The following JAM3 variants were observed in gnomAD, a reference collection of about 807,000 sequenced individuals.
The protein encoded by JAM3 is junctional adhesion molecule 3.
Under a neutral mutation model 39.4 loss-of-function variants are expected in JAM3, and 31 were observed. That is an observed-to-expected ratio of 0.79 (90% CI 0.59 to 1.06). JAM3 has a LOEUF of 1.06. Ranked by LOEUF, JAM3 falls within the 50% of genes least tolerant of loss-of-function variation. The probability of loss-of-function intolerance (pLI) is 0.00; values close to 1 mark genes in which losing one functional copy is unlikely to be tolerated. For synonymous variants in JAM3, 182 were observed against 148.7 expected, an observed-to-expected ratio of 1.22 and a Z score of -1.63; for missense variants, 455 against 391.4, an observed-to-expected ratio of 1.16 and a Z score of -1.37.
intron 1 of JAM3, among the ~76,000 whole-genome samples, chr11:134,077,113 G>A (rs1211336630): frequency 6.6e-6 from 1 of 152,040 alleles, no homozygotes; most frequent in African/African-American, 2.4e-5. Context: ...GGGATTACAT[G>A]CATGAGGCAC....
At chr11:134,096,848 A>G (rs1299259642) in intron 1 of JAM3, among the ~76,000 whole-genome samples, 1 of 151,432 alleles carries the variant, frequency 6.6e-6, no homozygotes. Flanking sequence ...TTAATAAAGG[A>G]CTCCTCAGTT....
At chr11:134,092,953 C>T (rs1359765617) in intron 1 of JAM3, among the ~76,000 whole-genome samples, 1 of 149,666 alleles carries the variant, frequency 6.7e-6, no homozygotes, top group Non-Finnish European at 1.5e-5. Flanking sequence ...TCTTACATGT[C>T]ACTCCCTGAG....
At chr11:134,101,761 A>G (rs1942077779) in intron 1 of JAM3, among the ~76,000 whole-genome samples, 1 of 152,060 alleles carries the variant, frequency 6.6e-6, no homozygotes, top group African/African-American at 2.4e-5. Flanking sequence ...ATGTGCCAGG[A>G]ATTTATAAGT....
At chr11:134,091,657 A>C (rs751733933) in intron 1 of JAM3, among the ~76,000 whole-genome samples, 1 of 151,312 alleles carries the variant, frequency 6.6e-6, no homozygotes, top group Non-Finnish European at 1.5e-5. Context: ...TTGTCATCTG[A>C]GTTACAGCTT....
At chr11:134,080,558 C>T (rs1941648877) in intron 1 of JAM3, among the ~76,000 whole-genome samples, 1 of 152,302 alleles carries the variant, frequency 6.6e-6, no homozygotes, top group African/African-American at 2.4e-5. Context: ...TTTTCCTGCA[C>T]AAGCTCTCTT....
At chr11:134,147,472 A>C (rs1255852577) in intron 6 of JAM3, among the ~76,000 whole-genome samples, 3 of 150,952 alleles carry the variant, frequency 2.0e-5, no homozygotes, top group East Asian at 2.0e-4. Context: ...AAAAAAAAAA[A>C]AAAAAACGAT....
chr11:134,093,178 C>G (rs1158562462), intron 1 of JAM3, among the ~76,000 whole-genome samples: 1 of 128,796 alleles, frequency 7.8e-6, no homozygotes, highest in Non-Finnish European at 1.6e-5. Flanking sequence ...AGGGAAGCTT[C>G]TCCTGAACCC....
At chr11:134,079,247 T>G (rs1270939192) in intron 1 of JAM3, among the ~76,000 whole-genome samples, 2 of 152,184 alleles carry the variant, frequency 1.3e-5, no homozygotes, top group African/African-American at 4.8e-5. Context: ...AAAGCAAACA[T>G]CTATCATTAA....
intron 3 of JAM3, 64 bp from the exon 4 acceptor site, chr11:134,144,177 A>AC (rs1379897053): frequency 6.3e-7 from 1 of 1,575,422 alleles, no homozygotes. Flanking sequence ...CCCAGAAACC[A>AC]CCCTCTTCAA....
chr11:134,127,126 C>T (rs1942663877), intron 1 of JAM3, among the ~76,000 whole-genome samples: 1 of 152,236 alleles, frequency 6.6e-6, no homozygotes, highest in Middle Eastern at 3.4e-3. Context: ...GAATTGTAGG[C>T]ATCAGAATGT....
intron 3 of JAM3, among the ~76,000 whole-genome samples, chr11:134,141,657 CCTT>C (rs1942974420): frequency 6.6e-6 from 1 of 152,008 alleles, no homozygotes; most frequent in African/African-American, 2.4e-5. Context: ...AAGTCAGAGG[CCTT>C]CTGCAGAGTC....
At position 134,144,778 on chromosome 11, in the gene JAM3, C is replaced by CCCT; in HGVS notation, c.410-14_410-13insCCT. ...GTCACTGAGATCTTAAACACCACCC[C>CCCT]TTTTTCCCCACAGTGAAGCCAGTGA... On this transcript the variant is annotated splice_polypyrimidine_tract_variant and intron_variant, in intron 4 of 8. Transcript: ENST00000299106. The CCCT allele has an allele frequency of 6.2e-7, 1 of 1,610,914 alleles. No homozygotes were observed. Among genetic ancestry groups the CCCT allele is most frequent in the South Asian group, 1.1e-5 (1 of 91,016 alleles).
chr11:134,146,564 T>A (rs78726542), intron 6 of JAM3, among the ~76,000 whole-genome samples: 9 of 151,382 alleles, frequency 5.9e-5, no homozygotes, highest in African/African-American at 2.2e-4. Context: ...TTTTTTTTCT[T>A]AAAAAACAAA....
At chr11:134,109,333 TA>T (rs913479720) in intron 1 of JAM3, among the ~76,000 whole-genome samples, 11 of 152,044 alleles carry the variant, frequency 7.2e-5, no homozygotes, top group Admixed American at 5.2e-4. Context: ...AAAAAGAACT[TA>T]AAAAAAATTA....
chr11:134,099,133 C>T (rs1053402461), intron 1 of JAM3, among the ~76,000 whole-genome samples: 35 of 151,996 alleles, frequency 2.3e-4, no homozygotes, highest in African/African-American at 7.7e-4. Flanking sequence ...CCTGGGGTTT[C>T]GAGGCTGCAG....
At chr11:134,139,607 G>T (rs768367003) in intron 1 of JAM3, 3 of 526,894 alleles carry the variant, frequency 5.7e-6, no homozygotes, top group African/African-American at 1.9e-5. Flanking sequence ...CTTTGTTCTG[G>T]GACTAAAAAG....
At chr11:134,104,854 C>T (rs941633881) in intron 1 of JAM3, among the ~76,000 whole-genome samples, 1 of 151,970 alleles carries the variant, frequency 6.6e-6, no homozygotes, top group Non-Finnish European at 1.5e-5. Flanking sequence ...GAAATTGAGG[C>T]AATAATTAAT....
At chr11:134,139,817 A>G in intron 1 of JAM3, 34 bp from the exon 2 acceptor site, 1 of 1,566,454 alleles carries the variant, frequency 6.4e-7, no homozygotes, top group Non-Finnish European at 8.8e-7. Flanking sequence ...TTTGAGATAC[A>G]TTGTCTCTGA....
At chr11:134,080,753 G>A (rs1941652553) in intron 1 of JAM3, among the ~76,000 whole-genome samples, 1 of 152,112 alleles carries the variant, frequency 6.6e-6, no homozygotes, top group Admixed American at 6.5e-5. Context: ...AGTAGAGTGG[G>A]GCGCTACTGA....
Sources: allele counts gnomAD v4.1 joint callset (sites outside exome capture counted in the v4.1 genomes callset), GRCh38; gene constraint gnomAD v4.1.1; transcripts MANE v1.5; gene names NCBI Gene and HGNC (gene_info 2026-07-23, HGNC 2026-07-21).